TMEM74: variants seen among roughly 807,000 people sequenced by gnomAD.
TMEM74 encodes transmembrane protein 74.
TMEM74 carries 13 observed loss-of-function variants against 18.1 expected under a neutral mutation model. The observed-to-expected ratio is 0.72, with a 90% CI of 0.47 to 1.14. The LOEUF is 1.14. Ranked by LOEUF, TMEM74 falls within the 50% of genes most tolerant of loss-of-function variation. The pLI, the probability that TMEM74 is intolerant of heterozygous loss-of-function variation, is 0.00. For synonymous variants in TMEM74, 159 were observed against 146.6 expected (o/e 1.08, Z -0.61); for missense variants, 372 against 375.9 (o/e 0.99, Z 0.09).
intron 1 of TMEM74, among the ~76,000 whole-genome samples, chr8:108,760,171 AGAGG>A (rs377647668): frequency 4.0e-5 from 6 of 150,618 alleles, no homozygotes; most frequent in South Asian, 2.1e-4. Context: ...AGAGAGAGAG[AGAGG>A]GAGAGAGAGA....
intron 1 of TMEM74, among the ~76,000 whole-genome samples, chr8:108,720,757 A>AGTTT (rs775211383): frequency 4.8e-4 from 24 of 49,506 alleles, no homozygotes; most frequent in African/African-American, 1.3e-3. Flanking sequence ...TTTATTTATT[A>AGTTT]GTTTGTTTGT....
chr8:108,737,113 G>A (rs1051465856), intron 1 of TMEM74, among the ~76,000 whole-genome samples: 1 of 152,092 alleles, frequency 6.6e-6, no homozygotes. Context: ...GATCATGTAG[G>A]TGAAAATATA....
At chr8:108,652,128 C>T (rs745612638) in intron 2 of TMEM74, among the ~76,000 whole-genome samples, 1 of 152,120 alleles carries the variant, frequency 6.6e-6, no homozygotes, top group Non-Finnish European at 1.5e-5. Flanking sequence ...CGCATTAACT[C>T]TTTCAATTTC....
chr8:108,668,942 C>T (rs1812975949), intron 1 of TMEM74, among the ~76,000 whole-genome samples: 1 of 151,966 alleles, frequency 6.6e-6, no homozygotes, highest in African/African-American at 2.4e-5. Flanking sequence ...AGTTGAACTG[C>T]AGTTACAACA....
At chr8:108,633,297 C>A (rs1251294701) in intron 2 of TMEM74, among the ~76,000 whole-genome samples, 6 of 151,974 alleles carry the variant, frequency 3.9e-5, no homozygotes, top group Non-Finnish European at 8.8e-5. Context: ...TTTTGAAGGG[C>A]AAGAACCATC....
At chr8:108,754,458 A>C (rs1412985529) in intron 1 of TMEM74, among the ~76,000 whole-genome samples, 1 of 151,962 alleles carries the variant, frequency 6.6e-6, no homozygotes, top group African/African-American at 2.4e-5. Flanking sequence ...AGAAGCTATG[A>C]CTTCTAGCTT....
At chr8:108,756,695 AGAAGGAAG>A (rs1189789597) in intron 1 of TMEM74, among the ~76,000 whole-genome samples, 2 of 84,580 alleles carry the variant, frequency 2.4e-5, no homozygotes, top group African/African-American at 1.1e-4. Context: ...AAAGAAAGAA[AGAAGGAAG>A]GAAAGAAAGA....
rs34602005 is a variant in TMEM74 at position 108,642,391 on chromosome 8, CA to C, written n.264+12901del. On this transcript the variant is annotated intron_variant and non_coding_transcript_variant, in intron 2 of 3. Transcript: ENST00000518838. ...TCCACCACAGAGCGAGACTCCATCTCAAAAAAAAAAAAAAAAAGAGAGAAAA... is the reference window on the plus strand; with the variant it reads ...TCCACCACAGAGCGAGACTCCATCTCAAAAAAAAAAAAAAAAGAGAGAAAA... Among the ~76,000 whole-genome samples the C allele has an allele frequency of 3.9e-3, 248 of 63,462 alleles. 1 individual carries two copies. Among genetic ancestry groups the C allele is most frequent in the Middle Eastern group, 0.011 (1 of 88 alleles). The allele number at this position is 63,462 out of a possible 152,430, so 41.6% of individuals were successfully genotyped here.
chr8:108,612,760 G>T (rs929432236), intron 2 of TMEM74, among the ~76,000 whole-genome samples: 2 of 152,194 alleles, frequency 1.3e-5, no homozygotes, highest in African/African-American at 4.8e-5. Flanking sequence ...GTTTTGTGAG[G>T]TTTTTATGCT....
intron 2 of TMEM74, among the ~76,000 whole-genome samples, chr8:108,646,539 T>C (rs1232158380): frequency 7.9e-5 from 12 of 152,142 alleles, no homozygotes; most frequent in Non-Finnish European, 1.8e-4. Context: ...TAGACAAGAA[T>C]ATGCCTTTTA....
chr8:108,749,551 C>G lies in TMEM74; in HGVS notation n.119+37925G>C, dbSNP rs149700810. Among the ~76,000 whole-genome samples, 790 of 152,264 alleles carry G rather than the reference C, an allele frequency of 5.2e-3. 4 individuals carry two copies. The highest frequency in any genetic ancestry group is 0.018 in the African/African-American group (741 of 41,552). Reference sequence around the variant, plus strand: ...CCTATCAGCTTAAGAAGCTTTTGGGCTGAGACAATGGAGTGGTCTAGATAT... The same window carrying G: ...CCTATCAGCTTAAGAAGCTTTTGGGGTGAGACAATGGAGTGGTCTAGATAT... On this transcript the variant is annotated intron_variant and non_coding_transcript_variant, in intron 1 of 3. Coordinates refer to the TMEM74 transcript ENST00000518838.
chr8:108,609,476 C>T (rs553236574), intron 2 of TMEM74, among the ~76,000 whole-genome samples: 1 of 152,052 alleles, frequency 6.6e-6, no homozygotes, highest in Non-Finnish European at 1.5e-5. Context: ...GGTGAAACCC[C>T]ATTTCTACTA....
chr8:108,650,418 A>G (rs561093629), intron 2 of TMEM74, among the ~76,000 whole-genome samples: 18 of 152,234 alleles, frequency 1.2e-4, no homozygotes, highest in Admixed American at 2.6e-4. Context: ...CAAACTATCT[A>G]TTGTGTTCTC....
chr8:108,723,077 A>T (rs1813601545), intron 1 of TMEM74, among the ~76,000 whole-genome samples: 1 of 152,180 alleles, frequency 6.6e-6, no homozygotes, highest in Non-Finnish European at 1.5e-5. Flanking sequence ...GGCTGGGTAC[A>T]GTCTGTGCTG....
At chr8:108,731,567 T>C (rs1294891481) in intron 1 of TMEM74, among the ~76,000 whole-genome samples, 1 of 152,152 alleles carries the variant, frequency 6.6e-6, no homozygotes, top group Non-Finnish European at 1.5e-5. Context: ...GATTAGGTGA[T>C]AGAGAGCATG....
At chr8:108,787,284 G>A (rs1018572044) in intron 1 of TMEM74, among the ~76,000 whole-genome samples, 192 bp downstream of exon 1, 1 of 152,302 alleles carries the variant, frequency 6.6e-6, no homozygotes, top group East Asian at 1.9e-4. Context: ...GCCCCCAGCA[G>A]GCGCCGAGGA....
chr8:108,751,866 A>G (rs147942829), intron 1 of TMEM74, among the ~76,000 whole-genome samples: 2 of 152,218 alleles, frequency 1.3e-5, no homozygotes, highest in African/African-American at 4.8e-5. Context: ...GAACATACGA[A>G]ATTATTCTAA....
chr8:108,639,130 C>T (rs1347047292), intron 2 of TMEM74, among the ~76,000 whole-genome samples: 1 of 152,122 alleles, frequency 6.6e-6, no homozygotes, highest in Non-Finnish European at 1.5e-5. Context: ...TGAGCCCTTA[C>T]TGAGATCAGC....
At chr8:108,725,578 G>C (rs1038539992) in intron 1 of TMEM74, among the ~76,000 whole-genome samples, 1 of 152,074 alleles carries the variant, frequency 6.6e-6, no homozygotes, top group Non-Finnish European at 1.5e-5. Context: ...TATGCATCTT[G>C]AGATGTAAAT....
Sources: gnomAD v4.1 joint callset for allele counts (sites outside exome capture counted in the v4.1 genomes callset) on GRCh38, gnomAD v4.1.1 for gene constraint, MANE v1.5 for transcripts, NCBI Gene and HGNC (gene_info 2026-07-23, HGNC 2026-07-21) for gene names.